Variants in SLC23A2 observed in about 807,000 individuals in gnomAD.
SLC23A2 encodes solute carrier family 23 member 2, also known as Na(+)/L-ascorbic acid transporter 2.
A neutral mutation model predicts 73.3 loss-of-function variants in SLC23A2; 36 were observed. The observed-to-expected ratio is 0.49, with a 90% CI of 0.38 to 0.65. The LOEUF is 0.65. Ranked by LOEUF, SLC23A2 falls within the 30% of genes least tolerant of loss-of-function variation. SLC23A2 has a pLI of 0.00. For synonymous variants in SLC23A2, 343 were observed against 327.3 expected (o/e 1.05, Z -0.52); for missense variants, 507 against 841.6 (o/e 0.60, Z 4.92).
chr20:4,997,323 C>T (rs561098750), intron 1 of SLC23A2, among the ~76,000 whole-genome samples: 98 of 152,182 alleles, frequency 6.4e-4, no homozygotes, highest in African/African-American at 2.3e-3. Context: ...ATGATCTGAC[C>T]CCCATGGTTT....
At chr20:4,905,166 A>G (rs2059967070) in intron 4 of SLC23A2, among the ~76,000 whole-genome samples, 1 of 151,664 alleles carries the variant, frequency 6.6e-6, no homozygotes, top group South Asian at 2.1e-4. Context: ...GCAGAGGTTA[A>G]GATGTACACA....
chr20:4,945,112 T>C (rs1435043971), intron 2 of SLC23A2, among the ~76,000 whole-genome samples: 1 of 152,208 alleles, frequency 6.6e-6, no homozygotes, highest in Non-Finnish European at 1.5e-5. Flanking sequence ...TTTGCAATTC[T>C]GATGCTGATC....
intron 4 of SLC23A2, among the ~76,000 whole-genome samples, chr20:4,912,010 C>CT (rs11353402): frequency 6.2e-4 from 84 of 136,532 alleles, no homozygotes; most frequent in South Asian, 7.1e-4. Context: ...ATAATTATTT[C>CT]TTTTTTTTTT....
At chr20:4,924,301 GGAGTCA>G (rs1279622981) in intron 3 of SLC23A2, among the ~76,000 whole-genome samples, 3 of 152,146 alleles carry the variant, frequency 2.0e-5, no homozygotes, top group African/African-American at 7.2e-5. Context: ...TCCTCCCTCT[GGAGTCA>G]GAGTTTCTCC....
intron 2 of SLC23A2, among the ~76,000 whole-genome samples, chr20:4,956,336 C>T (rs2122162298): frequency 6.6e-6 from 1 of 152,282 alleles, no homozygotes; most frequent in South Asian, 2.1e-4. Context: ...CCTACTTTGA[C>T]TCTGTAATAA....
chr20:4,913,383 C>T (rs1244202305), intron 3 of SLC23A2, among the ~76,000 whole-genome samples: 1 of 152,148 alleles, frequency 6.6e-6, no homozygotes, highest in East Asian at 1.9e-4. Flanking sequence ...TGCTGTTCAC[C>T]TAAGTAAACC....
chr20:4,917,930 C>T (rs1600132334), intron 3 of SLC23A2, among the ~76,000 whole-genome samples: 2 of 152,174 alleles, frequency 1.3e-5, no homozygotes, highest in East Asian at 3.8e-4. Context: ...GTCTACCTTA[C>T]CAACATTTTT....
At chr20:4,942,982 G>A (rs976217199) in intron 2 of SLC23A2, among the ~76,000 whole-genome samples, 2 of 152,030 alleles carry the variant, frequency 1.3e-5, no homozygotes, top group Non-Finnish European at 2.9e-5. Flanking sequence ...GGGAGGCCTA[G>A]TTGGGAAGAT....
intron 2 of SLC23A2, among the ~76,000 whole-genome samples, chr20:4,961,328 C>T (rs1040321433): frequency 1.1e-4 from 17 of 152,042 alleles, no homozygotes; most frequent in Admixed American, 8.5e-4. Flanking sequence ...ATGATCCGCC[C>T]ACCTTGGCCT....
chr20:4,895,692 G>A (rs984924225), intron 6 of SLC23A2, among the ~76,000 whole-genome samples: 8 of 152,176 alleles, frequency 5.3e-5, no homozygotes, highest in African/African-American at 1.7e-4. Flanking sequence ...AGAAATGTAG[G>A]TTTGATACCC....
chr20:4,861,880 A>G, intron 15 of SLC23A2, 68 bp downstream of exon 15: 1 of 1,555,856 alleles, frequency 6.4e-7, no homozygotes, highest in Non-Finnish European at 8.8e-7. Flanking sequence ...CAATGGGCAA[A>G]GAGCTGCGTG....
chr20:4,886,869 G>A (rs1027339091), intron 6 of SLC23A2, among the ~76,000 whole-genome samples: 1 of 152,160 alleles, frequency 6.6e-6, no homozygotes, highest in African/African-American at 2.4e-5. Flanking sequence ...AGCGAGACAG[G>A]GACCCAGCAT....
At position 4,940,245 on chromosome 20, in the gene SLC23A2, G is replaced by A. The variant is rs2087019331; in HGVS notation, c.-154-7529C>T. Among the ~76,000 whole-genome samples the A allele has an allele frequency of 2.0e-5, 3 of 152,142 alleles. No individual in the cohort carries two copies. The South Asian group carries it at 6.2e-4, about 31-fold the overall frequency. ...GAGATGGATCACTTGAGCCTGGGAG[G>A]TAGAGTTTGCAGTGAGCCAAGATCA... On this transcript the variant is annotated intron_variant, in intron 2 of 16. Transcript: ENST00000338244.
chr20:4,910,394 AC>A (rs1268244575), intron 4 of SLC23A2, among the ~76,000 whole-genome samples: 1 of 146,780 alleles, frequency 6.8e-6, no homozygotes, highest in African/African-American at 2.5e-5. Flanking sequence ...AAAAAAAAAA[AC>A]AGCCCGCTGA....
In SLC23A2 at chr20:4,907,888, A is replaced by T. The variant is rs529945534; in HGVS notation, c.207+4992T>A. 3.9e-5 allele frequency among the ~76,000 whole-genome samples: 6 copies of T among 152,292 alleles called. No individual in the cohort carries two copies. The South Asian group carries it at 1.2e-3, about 32-fold the overall frequency. ...GCCTTAAAATTCAAACAGACATTTA[A>T]GGGAAACTGGAAATAAACATGAGTT... On this transcript the variant is annotated intron_variant, in intron 4 of 16. Coordinates refer to ENST00000338244, the MANE Select transcript of SLC23A2 (RefSeq NM_005116.6).
At chr20:4,871,375 A>T (rs1187024042) in intron 11 of SLC23A2, among the ~76,000 whole-genome samples, 2 of 152,056 alleles carry the variant, frequency 1.3e-5, no homozygotes, top group East Asian at 3.9e-4. Flanking sequence ...TCTGAGGAGG[A>T]GGTGGGAACG....
rs75714770 is a variant in SLC23A2, at chr20:4,980,511, T to C, written c.-281-9592A>G. ...AAAATAGTTATATATATTGTATATA[T>C]GCACATTTTACTTTCTTTTTCTTTT... On this transcript the variant is annotated intron_variant, in intron 1 of 16. Transcript: ENST00000338244. Among the ~76,000 whole-genome samples the C allele has an allele frequency of 3.7e-3, 560 of 152,158 alleles. 4 individuals carry two copies. The highest frequency in any genetic ancestry group is 0.013 in the African/African-American group (521 of 41,510).
chr20:4,897,757 C>T (rs1931598397), intron 6 of SLC23A2, among the ~76,000 whole-genome samples: 2 of 152,304 alleles, frequency 1.3e-5, no homozygotes, highest in Admixed American at 6.5e-5. Context: ...GCCCATCAGG[C>T]TCAGCTGCTG....
At chr20:4,987,648 A>G (rs1368498623) in intron 1 of SLC23A2, among the ~76,000 whole-genome samples, 1 of 152,106 alleles carries the variant, frequency 6.6e-6, no homozygotes, top group East Asian at 1.9e-4. Flanking sequence ...GGAGATTGAG[A>G]CCATCCTGGC....
Sources: allele counts gnomAD v4.1 joint callset (sites outside exome capture counted in the v4.1 genomes callset), GRCh38; gene constraint gnomAD v4.1.1; transcripts MANE v1.5; gene names NCBI Gene and HGNC (gene_info 2026-07-23, HGNC 2026-07-21).